The following SLC7A9 variants were observed in gnomAD, a reference collection of about 807,000 sequenced individuals.
The protein encoded by SLC7A9 is solute carrier family 7 member 9.
SLC7A9 carries 38 observed loss-of-function variants against 54.1 expected under a neutral mutation model. That is an observed-to-expected ratio of 0.70 (90% CI 0.54 to 0.92). The LOEUF (loss-of-function observed/expected upper bound fraction) is 0.92. Ranked by LOEUF, SLC7A9 falls within the 40% of genes least tolerant of loss-of-function variation. The pLI is 0.00. For synonymous variants in SLC7A9, 264 were observed against 258.9 expected (o/e 1.02, Z -0.19); for missense variants, 537 against 636.1 (o/e 0.84, Z 1.68).
At chr19:32,838,959 T>C (rs988553601) in intron 11 of SLC7A9, among the ~76,000 whole-genome samples, 13 of 152,032 alleles carry the variant, frequency 8.6e-5, no homozygotes, top group African/African-American at 3.1e-4. Flanking sequence ...TCTTCTTTTT[T>C]TAGACATTGT....
intron 9 of SLC7A9, among the ~76,000 whole-genome samples, chr19:32,851,970 A>G (rs1157315714): frequency 1.3e-5 from 2 of 151,306 alleles, no homozygotes; most frequent in African/African-American, 4.9e-5. Context: ...GAATTGAACA[A>G]TGAGAACACA....
intron 9 of SLC7A9, among the ~76,000 whole-genome samples, chr19:32,850,783 G>C (rs1389755988): frequency 1.3e-5 from 2 of 152,240 alleles, no homozygotes; most frequent in East Asian, 3.8e-4. Context: ...ATACTACAAG[G>C]CTACAGTAAC....
At chr19:32,860,555 A>C (rs769163411) in intron 7 of SLC7A9, 51 bp downstream of exon 7, 1 of 1,613,672 alleles carries the variant, frequency 6.2e-7, no homozygotes. Context: ...CACCAGGAGA[A>C]GAGAAATCAG....
In SLC7A9 at chr19:32,845,105, A is replaced by T. The variant is rs146453276; in HGVS notation, c.978-1154T>A. ...CTTGAACCCGGGAGGCAGAGGTTGC[A>T]GTAAGCCAAGATTGTGCCACTGTAC... On this transcript the variant is annotated intron_variant, in intron 9 of 12. Coordinates refer to ENST00000023064, the MANE Select transcript of SLC7A9 (RefSeq NM_014270.5). Among the ~76,000 whole-genome samples the T allele has an allele frequency of 6.1e-3, 932 of 152,018 alleles. 10 individuals carry two copies. Among genetic ancestry groups the T allele is most frequent in the African/African-American group, 0.021 (883 of 41,450 alleles).
chr19:32,863,632 A>G (rs1329519511), intron 4 of SLC7A9, among the ~76,000 whole-genome samples: 3 of 152,216 alleles, frequency 2.0e-5, no homozygotes, highest in Non-Finnish European at 4.4e-5. Flanking sequence ...AAGTGGTGAG[A>G]TTCCAAGCAT....
chr19:32,867,262 G>A (rs971933039), intron 2 of SLC7A9, among the ~76,000 whole-genome samples: 1 of 152,236 alleles, frequency 6.6e-6, no homozygotes, highest in Non-Finnish European at 1.5e-5. Context: ...AGCACTTTGG[G>A]AGCCTGAGGT....
At chr19:32,846,461 G>A (rs1368007585) in intron 9 of SLC7A9, among the ~76,000 whole-genome samples, 1 of 152,200 alleles carries the variant, frequency 6.6e-6, no homozygotes, top group African/African-American at 2.4e-5. Context: ...GCGGCAGCGA[G>A]GCTGGGGGAG....
intron 12 of SLC7A9, among the ~76,000 whole-genome samples, chr19:32,830,927 G>A (rs1418740888): frequency 2.0e-5 from 3 of 152,118 alleles, no homozygotes; most frequent in Non-Finnish European, 4.4e-5. Flanking sequence ...AGGGACGACT[G>A]CACTTTCCAG....
chr19:32,832,329 G>A (rs139355879), intron 12 of SLC7A9, among the ~76,000 whole-genome samples: 3,667 of 152,040 alleles, frequency 0.024, 90 homozygotes, highest in Non-Finnish European at 0.036. Flanking sequence ...GCTGACATCT[G>A]TAATCCCAGC....
At chr19:32,838,688 ATATATG>A (rs10578478) in intron 11 of SLC7A9, among the ~76,000 whole-genome samples, 21,703 of 145,572 alleles carry the variant, frequency 0.15, 1,635 homozygotes, top group East Asian at 0.28. Flanking sequence ...TAAAGATATT[ATATATG>A]TATATATGTA....
chr19:32,860,226 C>T (rs990761763), intron 7 of SLC7A9: 2 of 1,430,056 alleles, frequency 1.4e-6, no homozygotes, highest in Admixed American at 5.1e-5. Flanking sequence ...TGTCCCAAAC[C>T]AAACCAAACT....
Position 32,852,486 on chromosome 19 carries a change from T to C in SLC7A9, c.977+5954A>G, listed in dbSNP as rs531962159. ...TCCAGCCTGGGCGACAGCGAGACCC[T>C]GTCTCAAAACGACGAACAAAAACCC... On this transcript the variant is annotated intron_variant, in intron 9 of 12. Transcript: ENST00000023064. Among the ~76,000 whole-genome samples the C allele has an allele frequency of 1.8e-4, 27 of 152,086 alleles. 1 individual carries two copies. Among genetic ancestry groups the C allele is most frequent in the African/African-American group, 5.8e-4 (24 of 41,510 alleles).
At chr19:32,864,891 A>T in intron 2 of SLC7A9, 115 bp from the exon 3 acceptor site, 1 of 1,392,870 alleles carries the variant, frequency 7.2e-7, no homozygotes, top group South Asian at 1.2e-5. Flanking sequence ...CCCATGTCCC[A>T]GGCGCTTCCA....
chr19:32,864,518 C>T, intron 3 of SLC7A9, 111 bp downstream of exon 3: 2 of 1,536,212 alleles, frequency 1.3e-6, no homozygotes, highest in Non-Finnish European at 1.8e-6. Context: ...ACCTGTTTGC[C>T]ATACATGTGC....
intron 11 of SLC7A9, among the ~76,000 whole-genome samples, chr19:32,838,305 A>T (rs1316801446): frequency 6.6e-6 from 1 of 151,780 alleles, no homozygotes; most frequent in Non-Finnish European, 1.5e-5. Flanking sequence ...CCTCTTTTTT[A>T]ATGTGTCTTT....
In SLC7A9 at chr19:32,833,339, AG is replaced by A. The variant is rs778565214; in HGVS notation, c.1225-17del. The stretch of plus-strand genomic sequence containing the variant: ...CTACGGGCACCTGGAGACGAAAAAC[AG>A]GTCATGGGTACCCATTTTCTTTTTG... On this transcript the variant is annotated splice_polypyrimidine_tract_variant and intron_variant, in intron 11 of 12. Transcript: ENST00000023064. 6.2e-7 allele frequency: 1 copy of A among 1,613,864 alleles called. No individual in the cohort carries two copies. Among genetic ancestry groups the A allele is most frequent in the Non-Finnish European group, 8.5e-7 (1 of 1,179,726 alleles).
Position 32,862,573 on chromosome 19 carries a change from T to G in SLC7A9, c.492A>C (p.Thr164=). 2 of 1,614,080 alleles carry G rather than the reference T, an allele frequency of 1.2e-6. No individual in the cohort carries two copies. The highest frequency in any genetic ancestry group is 1.7e-6 in the Non-Finnish European group (2 of 1,180,050). Residue 164 remains threonine (T), a synonymous_variant, in exon 5 of 13, where the codon ACA becomes ACC. Transcript: ENST00000023064. Reference sequence around the variant, plus strand: ...CCAGCCGCACGCTCAGTGAGTTCACTGTCGAGATGAACACTGGAAGGGTGG... The same window carrying G: ...CCAGCCGCACGCTCAGTGAGTTCACGGTCGAGATGAACACTGGAAGGGTGG... ...LAAAAILFIS[T]VNSLSVRLGS... is the part of the protein sequence containing the mutation.
chr19:32,839,770 A>G (rs1419885300), intron 11 of SLC7A9, among the ~76,000 whole-genome samples: 1 of 152,142 alleles, frequency 6.6e-6, no homozygotes. Context: ...CCTTTCCTTT[A>G]TAAGTGAATT....
chr19:32,846,875 C>A (rs1338507491), intron 9 of SLC7A9, among the ~76,000 whole-genome samples: 2 of 152,228 alleles, frequency 1.3e-5, no homozygotes, highest in Non-Finnish European at 2.9e-5. Context: ...ATCCGCTGTT[C>A]TACAGCCACT....
Sources: allele counts gnomAD v4.1 joint callset (sites outside exome capture counted in the v4.1 genomes callset), GRCh38; gene constraint gnomAD v4.1.1; transcripts MANE v1.5; gene names NCBI Gene and HGNC (gene_info 2026-07-23, HGNC 2026-07-21).